BRD8: variants seen among roughly 807,000 people sequenced by gnomAD.
BRD8 encodes the protein bromodomain-containing protein 8.
A neutral mutation model predicts 143.1 loss-of-function variants in BRD8; 67 were observed. That is an observed-to-expected ratio of 0.47 (90% CI 0.38 to 0.57). The LOEUF is 0.57. Ranked by LOEUF, BRD8 falls within the 20% of genes least tolerant of loss-of-function variation. The pLI is 0.00. For missense variants in BRD8, 1,103 were observed against 1,503.0 expected, an observed-to-expected ratio of 0.73 and a Z score of 4.40; for synonymous variants, 505 against 517.1, an observed-to-expected ratio of 0.98 and a Z score of 0.32.
In BRD8 at chr5:138,162,153, CAG is replaced by C. The variant is rs1213628602; in HGVS notation, c.2088-9_2088-8del. 2 of 1,585,858 alleles carry C rather than the reference CAG, an allele frequency of 1.3e-6. No homozygotes were observed. The highest frequency in any genetic ancestry group is 2.7e-5 in the African/African-American group (2 of 73,368). On this transcript the variant is annotated splice_polypyrimidine_tract_variant and splice_region_variant and intron_variant, in intron 15 of 26. Coordinates refer to ENST00000254900, the MANE Select transcript of BRD8 (RefSeq NM_139199.2). ...ATCCTCACTACAGACAGAGCTGAAACAGAGATACAGCAATTCCACTAGGCACA... is the reference window on the plus strand; with the variant it reads ...ATCCTCACTACAGACAGAGCTGAAACAGATACAGCAATTCCACTAGGCACA...
rs746661203 is a variant in BRD8, at chr5:138,164,046, C to G, written c.1872+41G>C. 53 of 1,590,966 alleles carry G rather than the reference C, an allele frequency of 3.3e-5. 1 individual carries two copies. Among genetic ancestry groups the G allele is most frequent in the Admixed American group, 2.5e-4 (15 of 59,774 alleles). On this transcript the variant is annotated intron_variant, in intron 14 of 26. Transcript: ENST00000254900. ...TTAAAAAGTAGTGCTATAGGGAAATCTAATCACATGGCAAGAGGAATAAAG... is the reference window on the plus strand; with the variant it reads ...TTAAAAAGTAGTGCTATAGGGAAATGTAATCACATGGCAAGAGGAATAAAG...
At chr5:138,158,134 A>T (rs1243645567) in intron 20 of BRD8, among the ~76,000 whole-genome samples, 1 of 152,068 alleles carries the variant, frequency 6.6e-6, no homozygotes, top group Non-Finnish European at 1.5e-5. Context: ...AGCCAGTTTC[A>T]TATCTATTAT....
intron 24 of BRD8, 38 bp from the exon 25 acceptor site, chr5:138,145,283 T>C (rs765555024): frequency 6.3e-7 from 1 of 1,593,924 alleles, no homozygotes; most frequent in South Asian, 1.1e-5. Context: ...AAAGAAACCC[T>C]GGCAAGGCAC....
At chr5:138,159,439 C>T in intron 20 of BRD8, 116 bp downstream of exon 20, 1 of 1,079,884 alleles carries the variant, frequency 9.3e-7, no homozygotes, top group Non-Finnish European at 1.4e-6. Context: ...CCTGAATAAA[C>T]AGAAGTTCAA....
At chr5:138,152,406 T>C (rs1206873850) in intron 21 of BRD8, 76 bp downstream of exon 21, 1 of 1,550,998 alleles carries the variant, frequency 6.4e-7, no homozygotes, top group Admixed American at 1.8e-5. Flanking sequence ...TTAAGAGTGG[T>C]AGAAGCATGT....
chr5:138,140,221 T>A (rs1226428632), intron 26 of BRD8, 55 bp from the exon 27 acceptor site: 1 of 1,321,844 alleles, frequency 7.6e-7, no homozygotes, highest in Non-Finnish European at 1.1e-6. Flanking sequence ...CACTAAAGTA[T>A]TGCAAGTTTA....
intron 17 of BRD8, 89 bp from the exon 18 acceptor site, chr5:138,161,157 A>C (rs1047905016): frequency 1.3e-5 from 14 of 1,045,370 alleles, no homozygotes; most frequent in Non-Finnish European, 1.7e-5. Flanking sequence ...AGACTTTCTC[A>C]TATATACCTT....
chr5:138,167,246 C>T (rs934374626), intron 9 of BRD8, among the ~76,000 whole-genome samples: 7 of 151,614 alleles, frequency 4.6e-5, no homozygotes, highest in Non-Finnish European at 8.8e-5. Flanking sequence ...CCAGCTTGGG[C>T]GACAGAGCAA....
At chr5:138,165,783 T>A in intron 11 of BRD8, 45 bp downstream of exon 11, 1 of 1,506,888 alleles carries the variant, frequency 6.6e-7, no homozygotes, top group Non-Finnish European at 9.0e-7. Flanking sequence ...AAGAGAAGCC[T>A]ATGTAGGACC....
intron 2 of BRD8, among the ~76,000 whole-genome samples, chr5:138,173,243 C>T (rs183221319): frequency 6.1e-4 from 93 of 152,008 alleles, no homozygotes; most frequent in African/African-American, 1.6e-3. Context: ...ACTAAAAATA[C>T]AAAAATTAGC....
Position 138,168,029 on chromosome 5 carries a change from C to T in BRD8, c.692G>A (p.Gly231Asp). 1.2e-6 allele frequency: 2 copies of T among 1,613,598 alleles called. No individual in the cohort carries two copies. The highest frequency in any genetic ancestry group is 1.1e-5 in the South Asian group (1 of 91,056). ...AVASGHLNSTGVLLEVGGVLP... is the reference protein window; with the variant it reads ...AVASGHLNSTDVLLEVGGVLP... ...GACCCCGCCTACCTCCAGGAGGACA[C>T]CTGTACTGTTCAGGTGGCCAGAAGC... The change falls in exon 9 of 27, where the codon GGT becomes GAT. Residue 231 changes from glycine (G) to aspartate (D), a missense_variant. By Grantham distance (94) the Gly-to-Asp change is moderately conservative (BLOSUM62 -1). Coordinates refer to ENST00000254900, the MANE Select transcript of BRD8 (RefSeq NM_139199.2).
Position 138,152,779 on chromosome 5 carries a change from A to G in BRD8, c.2578-19T>C, listed in dbSNP as rs1752422368. On this transcript the variant is annotated intron_variant, in intron 20 of 26. Coordinates refer to ENST00000254900, the MANE Select transcript of BRD8 (RefSeq NM_139199.2). ...GTCCCATCTGTAAATACACAGGAAA[A>G]CATGCATTAAATTCATTCAAATAAA... The G allele has an allele frequency of 1.9e-6, 3 of 1,599,416 alleles. No homozygotes were observed. The highest frequency in any genetic ancestry group is 2.6e-6 in the Non-Finnish European group (3 of 1,169,904).
At chr5:138,159,623 G>T in intron 19 of BRD8, 24 bp from the exon 20 acceptor site, 2 of 1,612,716 alleles carry the variant, frequency 1.2e-6, no homozygotes, top group Non-Finnish European at 1.7e-6. Context: ...AACAAACACT[G>T]ATCAGGTTCC....
At chr5:138,148,139 T>A (rs1581406025) in intron 23 of BRD8, among the ~76,000 whole-genome samples, 1 of 48,060 alleles carries the variant, frequency 2.1e-5, no homozygotes, top group Admixed American at 2.8e-4. Flanking sequence ...TAAAATACAC[T>A]AACAATAGCT....
Position 138,166,635 on chromosome 5 carries a change from C to T in BRD8, c.880G>A (p.Val294Ile), listed in dbSNP as rs1753445977. 1 of 1,613,906 alleles carries T rather than the reference C, an allele frequency of 6.2e-7. No individual in the cohort carries two copies. Among genetic ancestry groups the T allele is most frequent in the Non-Finnish European group, 8.5e-7 (1 of 1,179,832 alleles). Reference sequence around the variant, plus strand: ...TCTACAGGGGGTGGCACAAGTTTAACTGGAGGCTCACTGGCAACAGTAGTG... The same window carrying T: ...TCTACAGGGGGTGGCACAAGTTTAATTGGAGGCTCACTGGCAACAGTAGTG... Reference protein sequence around the residue: ...SFTTVASEPPVKLVPPPVESV... With the variant: ...SFTTVASEPPIKLVPPPVESV... The change falls in exon 10 of 27, where the codon GTT becomes ATT. Residue 294 changes from valine (V) to isoleucine (I), a missense_variant. Val to Ile is a conservative substitution (Grantham distance 29). This residue lies in a region of BRD8 where 334 missense variants were observed against 372.5 expected (regional missense o/e 0.90). Transcript: ENST00000254900.
chr5:138,147,898 ATTGCACTCT>A (rs1328682199), intron 23 of BRD8, among the ~76,000 whole-genome samples: 1 of 152,006 alleles, frequency 6.6e-6, no homozygotes, highest in Non-Finnish European at 1.5e-5. Flanking sequence ...AGATCATGCC[ATTGCACTCT>A]AACTTGGGCA....
At position 138,166,617 on chromosome 5, in the gene BRD8, G is replaced by C; in HGVS notation, c.898C>G (p.Pro300Ala). The C allele has an allele frequency of 6.2e-7, 1 of 1,613,594 alleles. No homozygotes were observed. The highest frequency in any genetic ancestry group is 1.7e-5 in the Admixed American group (1 of 60,010). The change falls in exon 10 of 27, where the codon CCT (proline) becomes GCT (alanine). Residue 300 changes from proline (P) to alanine (A), a missense_variant. By Grantham distance (27) the Pro-to-Ala change is conservative. Coordinates refer to ENST00000254900, the MANE Select transcript of BRD8 (RefSeq NM_139199.2). Reference sequence around the variant, plus strand: ...GTAGCTTGGGACACAGACTCTACAGGGGGTGGCACAAGTTTAACTGGAGGC... The same window carrying C: ...GTAGCTTGGGACACAGACTCTACAGCGGGTGGCACAAGTTTAACTGGAGGC... ...SEPPVKLVPP[P>A]VESVSQATIV... is the part of the protein sequence containing the mutation.
intron 24 of BRD8, 109 bp downstream of exon 24, chr5:138,145,680 C>A: frequency 1.0e-6 from 1 of 955,098 alleles, no homozygotes; most frequent in Admixed American, 2.0e-5. Context: ...ATCTACCTTT[C>A]AACTATGGCT....
At chr5:138,168,844 T>C (rs571041543) in intron 8 of BRD8, among the ~76,000 whole-genome samples, 58 of 152,146 alleles carry the variant, frequency 3.8e-4, no homozygotes, top group Non-Finnish European at 7.1e-4. Flanking sequence ...ATACTTTTCT[T>C]CCCCACAATC....
Sources: allele counts gnomAD v4.1 joint callset (sites outside exome capture counted in the v4.1 genomes callset), GRCh38; gene constraint gnomAD v4.1.1; regional missense constraint gnomAD v4.1.1; transcripts MANE v1.5; gene names NCBI Gene and HGNC (gene_info 2026-07-23, HGNC 2026-07-21).